Variants in RBFOX3 observed in about 807,000 individuals in gnomAD.
RBFOX3 encodes RNA binding fox-1 homolog 3.
RBFOX3 carries 17 observed loss-of-function variants against 48.7 expected under a neutral mutation model. The ratio of observed to expected loss-of-function variants is 0.35; its 90% confidence interval spans 0.24 to 0.52. The LOEUF (loss-of-function observed/expected upper bound fraction) is 0.52. Among genes scored for constraint, RBFOX3 ranks in the 20% least tolerant of loss-of-function variants. The probability of loss-of-function intolerance (pLI) is 0.94; values close to 1 mark genes in which losing one functional copy is unlikely to be tolerated. For synonymous variants in RBFOX3, 212 were observed against 209.5 expected (o/e 1.01, Z -0.10); for missense variants, 382 against 497.5 (o/e 0.77, Z 2.21).
chr17:79,126,648 C>T (rs1308178355), intron 4 of RBFOX3, among the ~76,000 whole-genome samples: 1 of 152,206 alleles, frequency 6.6e-6, no homozygotes, highest in Non-Finnish European at 1.5e-5. Context: ...GAGTCTACAT[C>T]CTCGTCTCTG....
intron 2 of RBFOX3, among the ~76,000 whole-genome samples, chr17:79,333,326 C>T (rs992630821): frequency 6.6e-6 from 1 of 152,206 alleles, no homozygotes; most frequent in African/African-American, 2.4e-5. Context: ...CTTCTCCACA[C>T]TGGCCTCCTG....
At chr17:79,246,922 C>T (rs1026072422) in intron 3 of RBFOX3, among the ~76,000 whole-genome samples, 11 of 152,152 alleles carry the variant, frequency 7.2e-5, no homozygotes, top group South Asian at 2.1e-4. Context: ...ACAGGGCAGA[C>T]GGCACCACTC....
the RBFOX3 span, among the ~76,000 whole-genome samples, chr17:79,622,165 A>C: frequency 6.6e-6 from 1 of 152,202 alleles, no homozygotes; most frequent in South Asian, 2.1e-4. Context: ...AGGCTAACCC[A>C]GTCACCACCC....
chr17:79,298,196 C>T (rs2074713493), intron 3 of RBFOX3: 2 of 152,216 alleles, frequency 1.3e-5, no homozygotes, highest in African/African-American at 2.4e-5. Flanking sequence ...GGGAAAGGAG[C>T]TATGTCTGCA....
intron 4 of RBFOX3, among the ~76,000 whole-genome samples, chr17:79,191,350 GCAGCTGCCTGTAGCCC>G (rs1021891459): frequency 6.6e-6 from 1 of 152,158 alleles, no homozygotes; most frequent in Non-Finnish European, 1.5e-5. Context: ...TCTGGAAAAA[GCAGCTGCCTGTAGCCC>G]CAGCCCCAGC....
upstream of RBFOX3, among the ~76,000 whole-genome samples, chr17:79,611,416 C>A (rs2093969214): frequency 6.6e-6 from 1 of 151,900 alleles, no homozygotes; most frequent in Non-Finnish European, 1.5e-5. Context: ...CCTTCAGCGC[C>A]AACTCCTCGG....
At chr17:79,469,367 C>G (rs2076774490) in intron 2 of RBFOX3, among the ~76,000 whole-genome samples, 1 of 152,210 alleles carries the variant, frequency 6.6e-6, no homozygotes, top group Non-Finnish European at 1.5e-5. Flanking sequence ...CCATGCAGTC[C>G]TGGGAATCCA....
the RBFOX3 span, among the ~76,000 whole-genome samples, chr17:79,629,323 C>T: frequency 6.6e-6 from 1 of 152,180 alleles, no homozygotes; most frequent in Non-Finnish European, 1.5e-5. Flanking sequence ...TGCTGGGTGA[C>T]ACCTCAGCAT....
At chr17:79,409,568 T>C (rs2063996882) in intron 2 of RBFOX3, among the ~76,000 whole-genome samples, 1 of 152,238 alleles carries the variant, frequency 6.6e-6, no homozygotes, top group Non-Finnish European at 1.5e-5. Flanking sequence ...TGTGTAGATA[T>C]ATGGCCTTCT....
intron 4 of RBFOX3, among the ~76,000 whole-genome samples, chr17:79,140,783 G>A (rs144421248): frequency 6.6e-6 from 1 of 152,248 alleles, no homozygotes; most frequent in African/African-American, 2.4e-5. Flanking sequence ...ACTGTGCTGG[G>A]CATGCCATCC....
At chr17:79,401,251 A>C (rs1016460613) in intron 2 of RBFOX3, among the ~76,000 whole-genome samples, 3 of 152,182 alleles carry the variant, frequency 2.0e-5, no homozygotes, top group Non-Finnish European at 4.4e-5. Flanking sequence ...CTCGGAAAGG[A>C]GCCCTGAGCG....
Position 79,220,087 on chromosome 17 carries a change from G to C in RBFOX3, c.-34+15679C>G, listed in dbSNP as rs1262940432. ...GCATGGCCTGGGAAGGCACGGGGTG[G>C]GGGGGTGGGGGGAGCACGCTGAGCT... On this transcript the variant is annotated intron_variant, in intron 4 of 14. Coordinates refer to ENST00000693108, the MANE Select transcript of RBFOX3 (RefSeq NM_001350451.2). This position sits in a 1 kb window ranked among gnomAD's most constrained non-coding sequence, Gnocchi z 5.9. Among the ~76,000 whole-genome samples the C allele has an allele frequency of 6.6e-6, 1 of 151,998 alleles. No homozygotes were observed. The highest frequency in any genetic ancestry group is 1.5e-5 in the Non-Finnish European group (1 of 67,980).
At chr17:79,387,428 T>C (rs2060707152) in intron 2 of RBFOX3, among the ~76,000 whole-genome samples, 1 of 152,136 alleles carries the variant, frequency 6.6e-6, no homozygotes, top group Non-Finnish European at 1.5e-5. Flanking sequence ...TGAAAACAAG[T>C]CCCAGGTCTT....
At chr17:79,276,858 T>C (rs992669324) in intron 3 of RBFOX3, among the ~76,000 whole-genome samples, 11 of 152,136 alleles carry the variant, frequency 7.2e-5, no homozygotes. Context: ...GCCCCTCTTG[T>C]ACAGAAGGGG....
intron 3 of RBFOX3, among the ~76,000 whole-genome samples, chr17:79,246,814 G>A (rs2063234772): frequency 6.6e-6 from 1 of 152,168 alleles, no homozygotes; most frequent in Admixed American, 6.5e-5. Flanking sequence ...TGCAGGGGAT[G>A]CTGGGTTTGG....
At chr17:79,647,414 C>T in the RBFOX3 span, among the ~76,000 whole-genome samples, 1 of 152,276 alleles carries the variant, frequency 6.6e-6, no homozygotes, top group South Asian at 2.1e-4. Flanking sequence ...ACCCACAGCA[C>T]AGCAGCTGCC....
chr17:79,255,233 G>GTGTGTA (rs1207942159), intron 3 of RBFOX3, among the ~76,000 whole-genome samples: 2 of 140,922 alleles, frequency 1.4e-5, no homozygotes, highest in Non-Finnish European at 3.2e-5. Context: ...GTGTGTGTGT[G>GTGTGTA]TGTGTGTGTG....
At chr17:79,595,618 G>C (rs1012924959) in intron 1 of RBFOX3, among the ~76,000 whole-genome samples, 13 of 152,168 alleles carry the variant, frequency 8.5e-5, no homozygotes, top group Admixed American at 1.3e-4. Context: ...GTTAGCAGCG[G>C]GGAGACCTGT....
At chr17:79,515,387 G>A (rs914707215) in intron 1 of RBFOX3, among the ~76,000 whole-genome samples, 3 of 152,078 alleles carry the variant, frequency 2.0e-5, no homozygotes, top group African/African-American at 4.8e-5. Context: ...CGCAGCTCCC[G>A]GCCATGTGTC....
Sources: gnomAD v4.1 joint callset for allele counts (sites outside exome capture counted in the v4.1 genomes callset) on GRCh38, gnomAD v4.1.1 for gene constraint, Gnocchi (gnomAD v3.1) non-coding constraint, MANE v1.5 for transcripts, NCBI Gene and HGNC (gene_info 2026-07-23, HGNC 2026-07-21) for gene names.